MET: variants seen among roughly 807,000 people sequenced by gnomAD.
MET encodes MET proto-oncogene, receptor tyrosine kinase, also known as hepatocyte growth factor receptor.
Under a neutral mutation model 133.1 loss-of-function variants are expected in MET, and 48 were observed. That is an observed-to-expected ratio of 0.36 (90% CI 0.29 to 0.46). The LOEUF (loss-of-function observed/expected upper bound fraction) is 0.46, where lower values mean the gene tolerates loss of function less well. MET is among the 20% of genes least tolerant of loss of function. MET has a pLI of 1.00. For missense variants in MET, 1,442 were observed against 1,695.9 expected, an observed-to-expected ratio of 0.85 and a Z score of 2.63; for synonymous variants, 628 against 616.5, an observed-to-expected ratio of 1.02 and a Z score of -0.28.
intron 19 of MET, among the ~76,000 whole-genome samples, chr7:116,792,821 T>G (rs1202406416): frequency 6.6e-6 from 1 of 152,226 alleles, no homozygotes; most frequent in African/African-American, 2.4e-5. Flanking sequence ...ATCACAGAAC[T>G]TTGGCTTCCT....
chr7:116,780,475 C>A (rs1795125600), intron 17 of MET, among the ~76,000 whole-genome samples: 1 of 152,160 alleles, frequency 6.6e-6, no homozygotes, highest in Admixed American at 6.5e-5. Flanking sequence ...CTGACAGACC[C>A]CACTTTCCCA....
intron 1 of MET, among the ~76,000 whole-genome samples, chr7:116,673,287 A>G (rs1796038640): frequency 6.6e-6 from 1 of 152,216 alleles, no homozygotes; most frequent in African/African-American, 2.4e-5. Flanking sequence ...TAAAAGAGCC[A>G]TTTGCTAATT....
intron 2 of MET, among the ~76,000 whole-genome samples, chr7:116,705,243 C>T (rs1287955166): frequency 6.6e-6 from 1 of 152,034 alleles, no homozygotes; most frequent in Non-Finnish European, 1.5e-5. Flanking sequence ...CATCAGGAAA[C>T]CACAAGGACC....
chr7:116,698,628 C>A (rs1057136692), intron 1 of MET, among the ~76,000 whole-genome samples: 1 of 152,290 alleles, frequency 6.6e-6, no homozygotes, highest in South Asian at 2.1e-4. Flanking sequence ...GCTGTGATTT[C>A]TAGAATAAAT....
chr7:116,723,026 C>T (rs1792563476), intron 2 of MET, among the ~76,000 whole-genome samples: 1 of 146,380 alleles, frequency 6.8e-6, no homozygotes, highest in Admixed American at 6.9e-5. Context: ...TGAACGTTGG[C>T]CTGCCTTGCT....
intron 19 of MET, among the ~76,000 whole-genome samples, chr7:116,784,603 A>G (rs998212506): frequency 2.2e-4 from 33 of 152,288 alleles, no homozygotes; most frequent in Middle Eastern, 3.4e-3. Flanking sequence ...ACTCTATCAC[A>G]AGAACAGCAC....
intron 15 of MET, among the ~76,000 whole-genome samples, 200 bp downstream of exon 15, chr7:116,775,311 T>C (rs1242792234): frequency 6.6e-6 from 1 of 152,196 alleles, no homozygotes; most frequent in East Asian, 1.9e-4. Flanking sequence ...ATGGAAGCAA[T>C]TGGATAATCC....
chr7:116,688,655 C>T (rs1302594027), intron 1 of MET, among the ~76,000 whole-genome samples: 2 of 152,178 alleles, frequency 1.3e-5, no homozygotes, highest in Non-Finnish European at 2.9e-5. Flanking sequence ...CTTAAAAGGA[C>T]AAAGATGTTT....
At chr7:116,737,931 G>A (rs1054086318) in intron 3 of MET, among the ~76,000 whole-genome samples, 12 of 152,120 alleles carry the variant, frequency 7.9e-5, no homozygotes, top group Non-Finnish European at 1.5e-5. Flanking sequence ...GAGCAAGAAG[G>A]TAGGAGAAAA....
chr7:116,788,207 G>A (rs183744635), intron 19 of MET, among the ~76,000 whole-genome samples: 49 of 152,268 alleles, frequency 3.2e-4, no homozygotes, highest in African/African-American at 1.1e-3. Flanking sequence ...TGGACATGAG[G>A]GAATTTTCTG....
intron 2 of MET, among the ~76,000 whole-genome samples, chr7:116,720,533 G>A (rs1792439926): frequency 2.2e-5 from 2 of 92,102 alleles, no homozygotes. Context: ...TTGAATAGGA[G>A]TGGTGAGAGA....
intron 10 of MET, 81 bp downstream of exon 10, chr7:116,759,571 T>A: frequency 4.0e-6 from 6 of 1,492,448 alleles, no homozygotes; most frequent in Middle Eastern, 1.7e-4. Flanking sequence ...ACCTGAGACA[T>A]CTCAGTTTCG....
intron 19 of MET, among the ~76,000 whole-genome samples, chr7:116,794,824 C>T (rs1795620820): frequency 1.3e-5 from 2 of 152,216 alleles, no homozygotes; most frequent in Non-Finnish European, 2.9e-5. Flanking sequence ...GGGCACATGT[C>T]CAGGGGGAGA....
chr7:116,734,677 C>G (rs1031954191), intron 3 of MET, among the ~76,000 whole-genome samples: 2 of 152,178 alleles, frequency 1.3e-5, no homozygotes, highest in Non-Finnish European at 2.9e-5. Context: ...CATGATCACT[C>G]TCTTGGGATA....
chr7:116,709,317 A>G lies in MET; in HGVS notation c.1200+9033A>G, dbSNP rs61513761. Among the ~76,000 whole-genome samples the G allele has an allele frequency of 8.5e-3, 1,295 of 152,276 alleles. 20 individuals are homozygous for G. Among genetic ancestry groups the G allele is most frequent in the African/African-American group, 0.03 (1,231 of 41,556 alleles). The stretch of plus-strand genomic sequence containing the variant: ...TTGTCATGCTTCTTTGTACCTAAGC[A>G]TATGCTTTGCAAATCATAAACAATA... On this transcript the variant is annotated intron_variant, in intron 2 of 20. Coordinates refer to ENST00000397752, the MANE Select transcript of MET (RefSeq NM_000245.4).
In MET at chr7:116,700,021, G is replaced by C. The variant is rs2116601309; in HGVS notation, c.937G>C (p.Val313Leu). 6.2e-7 allele frequency: 1 copy of C among 1,614,052 alleles called. No homozygotes were observed. Among genetic ancestry groups the C allele is most frequent in the Non-Finnish European group, 8.5e-7 (1 of 1,179,972 alleles). The part of the protein sequence containing the change: ...KRKKRSTKKE[V>L]FNILQAAYVS... The stretch of plus-strand genomic sequence containing the variant: ...AAAAAAGAGATCCACAAAGAAGGAA[G>C]TGTTTAATATACTTCAGGCTGCGTA... Residue 313 changes from valine to leucine, a missense_variant, in exon 2 of 21, where the codon GTG becomes CTG. Around this residue, in one of 6 missense-constraint regions of MET, gnomAD observed 762 missense variants for 792.4 expected, o/e 0.96. Coordinates refer to ENST00000397752, the MANE Select transcript of MET (RefSeq NM_000245.4).
At position 116,783,406 on chromosome 7, in the gene MET, G is replaced by T. The variant is rs1323787899; in HGVS notation, c.3735G>T (p.Leu1245=). Residue 1245 remains leucine, a synonymous_variant, in exon 19 of 21, where the codon CTG becomes CTT. Coordinates refer to ENST00000397752, the MANE Select transcript of MET (RefSeq NM_000245.4). The stretch of plus-strand genomic sequence containing the variant: ...TACACAACAAAACAGGTGCAAAGCT[G>T]CCAGTGAAGTGGATGGCTTTGGAAA... The part of the protein sequence containing the change: ...YSVHNKTGAK[L]PVKWMALESL... 1 of 1,614,042 alleles carries T rather than the reference G, an allele frequency of 6.2e-7. No individual in the cohort carries two copies. The highest frequency in any genetic ancestry group is 8.5e-7 in the Non-Finnish European group (1 of 1,180,028).
At chr7:116,788,702 G>C (rs964131832) in intron 19 of MET, among the ~76,000 whole-genome samples, 1 of 152,200 alleles carries the variant, frequency 6.6e-6, no homozygotes, top group Non-Finnish European at 1.5e-5. Flanking sequence ...GGATAAATTT[G>C]CACAGTGTTT....
intron 19 of MET, among the ~76,000 whole-genome samples, chr7:116,787,867 T>C (rs549140685): frequency 1.3e-5 from 2 of 152,300 alleles, no homozygotes; most frequent in South Asian, 4.1e-4. Context: ...CATGAAGATT[T>C]GTACATGAAT....
Sources: allele counts gnomAD v4.1 joint callset (sites outside exome capture counted in the v4.1 genomes callset), GRCh38; gene constraint gnomAD v4.1.1; regional missense constraint gnomAD v4.1.1; transcripts MANE v1.5; gene names NCBI Gene and HGNC (gene_info 2026-07-23, HGNC 2026-07-21).